GET1: variants seen among roughly 807,000 people sequenced by gnomAD.
GET1 encodes congenital heart disease 5 protein.
In GET1, 20 loss-of-function variants were observed where a neutral mutation model predicts 22.6. The observed-to-expected ratio is 0.89, with a 90% confidence interval of 0.62 to 1.29. The LOEUF (loss-of-function observed/expected upper bound fraction) is 1.29. GET1 is among the 50% of genes most tolerant of loss of function. GET1 has a pLI of 0.00. For synonymous variants in GET1, 92 were observed against 83.8 expected, an observed-to-expected ratio of 1.10 and a Z score of -0.53; for missense variants, 209 against 219.9, an observed-to-expected ratio of 0.95 and a Z score of 0.31.
chr21:39,414,734 C>G lies in GET1; in HGVS notation c.*23+3797C>G, dbSNP rs1193803006. Reference sequence around the variant, plus strand: ...TCTCCCTCTCTCTCTCTCTCTCTCTCTCTCTCTCTGTGTGTGTGTGTGTGT... The same window carrying G: ...TCTCCCTCTCTCTCTCTCTCTCTCTGTCTCTCTCTGTGTGTGTGTGTGTGT... On this transcript the variant is annotated intron_variant, in intron 1 of 1. Coordinates refer to the GET1 transcript ENST00000478273. Among the ~76,000 whole-genome samples, 319 of 103,198 alleles carry G rather than the reference C, an allele frequency of 3.1e-3. 2 individuals carry two copies. The highest frequency in any genetic ancestry group is 0.011 in the African/African-American group (280 of 24,424). The allele number at this position is 103,198 out of a possible 152,430, so 67.7% of individuals were successfully genotyped here. A position where few individuals can be genotyped will look rare whatever the true frequency, so the allele number is the denominator to read the frequency against.
intron 1 of GET1, chr21:39,420,875 A>G: frequency 6.4e-7 from 1 of 1,557,296 alleles, no homozygotes; most frequent in Non-Finnish European, 8.8e-7. Context: ...ACTATTCTGC[A>G]ACCAAGTTAG....
At chr21:39,406,375 C>T in exon 5 of GET1, 3 of 1,613,814 alleles carry the variant, frequency 1.9e-6, no homozygotes, top group Non-Finnish European at 2.5e-6. Flanking sequence ...AGTGCCTTTG[C>T]CAAGTGTGTC....
At chr21:39,398,127 A>G (rs2038744228), downstream of GET1, among the ~76,000 whole-genome samples, 1 of 152,228 alleles carries the variant, frequency 6.6e-6, no homozygotes. Flanking sequence ...GAACGCAGCC[A>G]CAGCCTGGTG....
intron 1 of GET1, among the ~76,000 whole-genome samples, chr21:39,421,206 G>T (rs546241227): frequency 8.0e-5 from 12 of 150,842 alleles, no homozygotes; most frequent in African/African-American, 2.7e-4. Context: ...GGGTTCAAAC[G>T]ATTCTCCTGC....
At chr21:39,389,372 C>G (rs948008735) in intron 1 of GET1, among the ~76,000 whole-genome samples, 1 of 152,032 alleles carries the variant, frequency 6.6e-6, no homozygotes, top group Non-Finnish European at 1.5e-5. Context: ...GCCTTGAACT[C>G]CTGTATACAA....
downstream of GET1, among the ~76,000 whole-genome samples, chr21:39,401,759 C>T (rs187134991): frequency 2.8e-4 from 42 of 152,210 alleles, no homozygotes; most frequent in African/African-American, 7.9e-4. Context: ...GTGTGTGTCA[C>T]GTTTTGGTAG....
chr21:39,420,062 C>T (rs751368680), intron 1 of GET1, among the ~76,000 whole-genome samples: 19 of 151,986 alleles, frequency 1.3e-4, no homozygotes, highest in Admixed American at 2.6e-4. Flanking sequence ...TATTACTTAA[C>T]GTGATGAAAT....
rs397972848 is a variant in GET1 at position 39,420,522 on chromosome 21, C to CAAA, written c.*24-7693_*24-7691dup. Among the ~76,000 whole-genome samples the CAAA allele has an allele frequency of 1.8e-4, 16 of 87,136 alleles. 1 individual carries two copies. The highest frequency in any genetic ancestry group is 1.1e-3 in the Admixed American group (7 of 6,468). 57.2% of individuals were successfully genotyped at this position (87,136 alleles called of 152,430 possible). A position where few individuals can be genotyped will look rare whatever the true frequency, so the allele number is the denominator to read the frequency against. On this transcript the variant is annotated intron_variant, in intron 1 of 1. Transcript: ENST00000478273. ...TGGGTGACAGAGCAAGATTCTATCT[C>CAAA]AAAAAAAAAAAAAAAAAAAGATAAA...
chr21:39,414,742 C>CTCTGTGTGTGTGTGTG (rs1341489035), intron 1 of GET1, among the ~76,000 whole-genome samples: 46 of 99,224 alleles, frequency 4.6e-4, no homozygotes, highest in African/African-American at 6.6e-4. Flanking sequence ...CTCTCTCTCT[C>CTCTGTGTGTGTGTGTG]TGTGTGTGTG....
chr21:39,381,011 C>T, intron 1 of GET1: 1 of 936,230 alleles, frequency 1.1e-6, no homozygotes, highest in Non-Finnish European at 1.3e-6. Flanking sequence ...GGGGAACACT[C>T]TCTTTCTGCC....
chr21:39,406,096 T>G, exon 5 of GET1: 1 of 1,614,238 alleles, frequency 6.2e-7, no homozygotes, highest in East Asian at 2.2e-5. Flanking sequence ...AAAGAGTTCT[T>G]CCATGAGACT....
At chr21:39,412,793 C>T (rs1337714739) in intron 1 of GET1, among the ~76,000 whole-genome samples, 1 of 152,120 alleles carries the variant, frequency 6.6e-6, no homozygotes. Context: ...AGCGCCTCCC[C>T]CGCCGCCCCA....
chr21:39,398,965 C>G (rs1423156050), downstream of GET1, among the ~76,000 whole-genome samples: 1 of 152,174 alleles, frequency 6.6e-6, no homozygotes, highest in African/African-American at 2.4e-5. Flanking sequence ...GTCTCGAACT[C>G]CTGACCTCAG....
chr21:39,404,770 AAG>A (rs1555890207), intron 4 of GET1, among the ~76,000 whole-genome samples: 2 of 151,308 alleles, frequency 1.3e-5, no homozygotes, highest in African/African-American at 2.4e-5. Context: ...AAAAAAAAAA[AAG>A]ATTTTCATGA....
intron 1 of GET1, among the ~76,000 whole-genome samples, chr21:39,384,392 G>C (rs2037753491): frequency 6.6e-6 from 1 of 151,780 alleles, no homozygotes; most frequent in South Asian, 2.1e-4. Flanking sequence ...GAGTAGCTGG[G>C]ATTACATGCA....
Position 39,393,234 on chromosome 21 carries a change from G to C in GET1, c.405G>C (p.Trp135Cys). ...CTGTGGCTGTCGTGCCGAGTAAATG[G>C]ATAACCCCTCTAGACCGCCTGGTAG... ...SVPVAVVPSKWITPLDRLVAF... is the reference protein window; with the variant it reads ...SVPVAVVPSKCITPLDRLVAF... Residue 135 changes from tryptophan (W) to cysteine (C), a missense_variant, in exon 4 of 5, where the codon TGG (tryptophan) becomes TGC (cysteine). By Grantham distance (215) the Trp-to-Cys change is radical. Coordinates refer to ENST00000649170, the MANE Select transcript of GET1 (RefSeq NM_004627.6). The C allele has an allele frequency of 6.2e-7, 1 of 1,614,222 alleles. No homozygotes were observed. The highest frequency in any genetic ancestry group is 8.5e-7 in the Non-Finnish European group (1 of 1,180,036).
chr21:39,415,626 C>A (rs1052310898), intron 1 of GET1, among the ~76,000 whole-genome samples: 5 of 152,184 alleles, frequency 3.3e-5, no homozygotes, highest in African/African-American at 1.2e-4. Context: ...AATCAAATAT[C>A]CAGTTTGTTT....
downstream of GET1, chr21:39,406,766 A>G: frequency 3.4e-6 from 2 of 593,072 alleles, no homozygotes; most frequent in Non-Finnish European, 5.8e-6. Flanking sequence ...AAGATTACAG[A>G]GAAAGGTGCT....
Position 39,397,188 on chromosome 21 carries a change from A to C in GET1, c.*249A>C. ...CTAGTGAACACCGTCCTCGATCTGT[A>C]CGAAATGTGAAATGTTTAGGGACAT... On this transcript the variant is annotated 3_prime_UTR_variant, in exon 5 of 5. Transcript: ENST00000649170. 2.1e-6 allele frequency: 1 copy of C among 481,424 alleles called. No individual in the cohort carries two copies. The highest frequency in any genetic ancestry group is 2.6e-5 in the South Asian group (1 of 37,854). 29.8% of individuals were successfully genotyped at this position (481,424 alleles called of 1,614,324 possible).
Sources: allele counts gnomAD v4.1 joint callset (sites outside exome capture counted in the v4.1 genomes callset), GRCh38; gene constraint gnomAD v4.1.1; transcripts MANE v1.5; gene names NCBI Gene and HGNC (gene_info 2026-07-23, HGNC 2026-07-21).